The following LRRC4C variants were observed in gnomAD, a reference collection of about 807,000 sequenced individuals.
The protein encoded by LRRC4C is leucine-rich repeat-containing protein 4C.
A neutral mutation model predicts 33.6 loss-of-function variants in LRRC4C; 5 were observed. The ratio of observed to expected loss-of-function variants is 0.15; its 90% CI spans 0.08 to 0.31. The LOEUF is 0.31. Among genes scored for constraint, LRRC4C ranks in the 10% least tolerant of loss-of-function variants. The pLI is 1.00. For synonymous variants in LRRC4C, 329 were observed against 302.0 expected, an observed-to-expected ratio of 1.09 and a Z score of -0.93; for missense variants, 560 against 796.7, an observed-to-expected ratio of 0.70 and a Z score of 3.58.
intron 4 of LRRC4C, among the ~76,000 whole-genome samples, chr11:40,296,410 T>C (rs1565244807): frequency 6.6e-6 from 1 of 152,188 alleles, no homozygotes; most frequent in Non-Finnish European, 1.5e-5. Flanking sequence ...ATTTTGAAGA[T>C]GGAAAAAATG....
intron 4 of LRRC4C, among the ~76,000 whole-genome samples, chr11:40,276,862 G>A (rs1943146700): frequency 6.6e-6 from 1 of 151,996 alleles, no homozygotes; most frequent in Non-Finnish European, 1.5e-5. Flanking sequence ...GAAACTGATT[G>A]GGGGCATTGC....
chr11:41,243,238 A>T (rs1446240531), intron 1 of LRRC4C, among the ~76,000 whole-genome samples: 3 of 152,244 alleles, frequency 2.0e-5, no homozygotes, highest in Non-Finnish European at 4.4e-5. Context: ...AGAAGGAAAC[A>T]AAAACATCTC....
At chr11:40,301,585 A>T (rs769296109) in intron 4 of LRRC4C, among the ~76,000 whole-genome samples, 55 of 152,180 alleles carry the variant, frequency 3.6e-4, no homozygotes, top group Non-Finnish European at 6.2e-4. Flanking sequence ...TCAAGAAATG[A>T]TAGCCTTGTT....
At chr11:40,733,954 A>G (rs546541888) in intron 2 of LRRC4C, among the ~76,000 whole-genome samples, 1 of 152,218 alleles carries the variant, frequency 6.6e-6, no homozygotes, top group South Asian at 2.1e-4. Context: ...GTTACCTGGG[A>G]AAGAGGTACT....
intron 3 of LRRC4C, among the ~76,000 whole-genome samples, chr11:40,566,212 T>A (rs1019326579): frequency 2.6e-5 from 4 of 151,488 alleles, no homozygotes; most frequent in Non-Finnish European, 5.9e-5. Context: ...GAGGTTTGTG[T>A]GTTGGATATT....
At chr11:40,853,016 C>T (rs1467919671) in intron 2 of LRRC4C, among the ~76,000 whole-genome samples, 1 of 152,124 alleles carries the variant, frequency 6.6e-6, no homozygotes. Context: ...TTTATCAATG[C>T]TGAACCGCAT....
intron 1 of LRRC4C, among the ~76,000 whole-genome samples, chr11:41,325,840 C>G (rs1951101411): frequency 6.6e-6 from 1 of 151,944 alleles, no homozygotes; most frequent in Non-Finnish European, 1.5e-5. Context: ...TTTTATAATG[C>G]TAGACCCTGG....
chr11:40,750,525 A>T (rs1407820502), intron 2 of LRRC4C, among the ~76,000 whole-genome samples: 1 of 151,882 alleles, frequency 6.6e-6, no homozygotes, highest in Non-Finnish European at 1.5e-5. Context: ...GAAGCTGGAA[A>T]CCATCATTCT....
At chr11:40,386,506 T>C (rs1949117452) in intron 3 of LRRC4C, among the ~76,000 whole-genome samples, 1 of 152,158 alleles carries the variant, frequency 6.6e-6, no homozygotes, top group Non-Finnish European at 1.5e-5. Context: ...AACAATTAAG[T>C]AGGTTTGTTC....
At chr11:40,421,465 C>A (rs571322605) in intron 3 of LRRC4C, among the ~76,000 whole-genome samples, 5 of 152,282 alleles carry the variant, frequency 3.3e-5, no homozygotes, top group African/African-American at 1.2e-4. Flanking sequence ...GTGCCTGCTG[C>A]CATTTGTAAT....
chr11:41,268,980 T>C (rs1949237396), intron 1 of LRRC4C, among the ~76,000 whole-genome samples: 1 of 152,140 alleles, frequency 6.6e-6, no homozygotes, highest in Non-Finnish European at 1.5e-5. Context: ...CAGTTAATCA[T>C]GACCAAGCTG....
At chr11:40,596,195 G>A (rs1352805868) in intron 3 of LRRC4C, among the ~76,000 whole-genome samples, 3 of 152,170 alleles carry the variant, frequency 2.0e-5, no homozygotes, top group Non-Finnish European at 4.4e-5. Flanking sequence ...CGCAAGGCTA[G>A]GAGGTGGCTC....
intron 2 of LRRC4C, among the ~76,000 whole-genome samples, chr11:40,922,093 G>A (rs538703637): frequency 6.6e-6 from 1 of 152,216 alleles, no homozygotes; most frequent in East Asian, 1.9e-4. Context: ...ATTTTACTCA[G>A]TTTAGGGGGA....
intron 2 of LRRC4C, among the ~76,000 whole-genome samples, chr11:40,672,314 C>A (rs1430079590): frequency 1.3e-5 from 2 of 152,100 alleles, no homozygotes; most frequent in African/African-American, 4.8e-5. Context: ...AGACGTCCAT[C>A]CTTATGATCT....
chr11:41,039,794 A>G (rs1475642762), intron 1 of LRRC4C, among the ~76,000 whole-genome samples: 1 of 152,040 alleles, frequency 6.6e-6, no homozygotes, highest in Non-Finnish European at 1.5e-5. Flanking sequence ...GCTATTTGAT[A>G]CCAGGCCTCC....
chr11:40,886,132 CTT>C (rs1955440985), intron 2 of LRRC4C, among the ~76,000 whole-genome samples: 2 of 152,092 alleles, frequency 1.3e-5, no homozygotes, highest in African/African-American at 2.4e-5. Flanking sequence ...AAATAATACA[CTT>C]ATATTTATTT....
chr11:41,272,467 G>A (rs1949351846), intron 1 of LRRC4C, among the ~76,000 whole-genome samples: 1 of 152,046 alleles, frequency 6.6e-6, no homozygotes, highest in Non-Finnish European at 1.5e-5. Context: ...TAGGGACTCA[G>A]GTGCCTCAGT....
chr11:41,422,816 A>G (rs1223487936), intron 1 of LRRC4C, among the ~76,000 whole-genome samples: 1 of 152,076 alleles, frequency 6.6e-6, no homozygotes, highest in Admixed American at 6.6e-5. Flanking sequence ...TAATAAAGAA[A>G]TAAGAAATAC....
intron 3 of LRRC4C, among the ~76,000 whole-genome samples, chr11:40,494,523 C>T (rs1954327449): frequency 6.6e-6 from 1 of 151,992 alleles, no homozygotes; most frequent in South Asian, 2.1e-4. Context: ...TAAATTATCT[C>T]ATTTATGCAA....
Sources: gnomAD v4.1 joint callset for allele counts (sites outside exome capture counted in the v4.1 genomes callset) on GRCh38, gnomAD v4.1.1 for gene constraint, MANE v1.5 for transcripts, NCBI Gene and HGNC (gene_info 2026-07-23, HGNC 2026-07-21) for gene names.